NEGR1: variants seen among roughly 807,000 people sequenced by gnomAD.
NEGR1 encodes the protein neuronal growth regulator 1, also known as IgLON family member 4.
In NEGR1, 10 loss-of-function variants were observed where a neutral mutation model predicts 40.9. The ratio of observed to expected loss-of-function variants is 0.24; its 90% CI spans 0.15 to 0.42. The LOEUF is 0.42. Ranked by LOEUF, NEGR1 falls within the 10% of genes least tolerant of loss-of-function variation. The pLI is 1.00. For synonymous variants in NEGR1, 185 were observed against 166.8 expected (o/e 1.11, Z -0.84); for missense variants, 352 against 438.9 (o/e 0.80, Z 1.77).
At chr1:71,494,538 A>T (rs181283717) in intron 6 of NEGR1, among the ~76,000 whole-genome samples, 77 of 152,230 alleles carry the variant, frequency 5.1e-4, no homozygotes, top group African/African-American at 1.8e-3. Flanking sequence ...ATAACCCATG[A>T]CTATAATAGT....
chr1:72,260,664 A>G (rs1655424689), intron 1 of NEGR1, among the ~76,000 whole-genome samples: 2 of 152,118 alleles, frequency 1.3e-5, no homozygotes, highest in African/African-American at 4.8e-5. Flanking sequence ...GCCCCAGTAA[A>G]ATGGGCTATG....
At chr1:72,135,090 C>A (rs1284338788) in intron 1 of NEGR1, among the ~76,000 whole-genome samples, 2 of 149,062 alleles carry the variant, frequency 1.3e-5, no homozygotes, top group South Asian at 4.4e-4. Context: ...TAAGAAATAA[C>A]TTTCGGCCGG....
chr1:71,789,992 T>A (rs1432045170), intron 2 of NEGR1, among the ~76,000 whole-genome samples: 1 of 152,082 alleles, frequency 6.6e-6, no homozygotes, highest in Non-Finnish European at 1.5e-5. Context: ...ATCTAAATAT[T>A]TGGATTTTAA....
At chr1:72,241,084 G>A (rs1369391088) in intron 1 of NEGR1, among the ~76,000 whole-genome samples, 1 of 151,794 alleles carries the variant, frequency 6.6e-6, no homozygotes, top group South Asian at 2.1e-4. Flanking sequence ...GGTTTAACTT[G>A]ATGGAGCTTA....
chr1:72,118,184 T>C (rs74087122), intron 1 of NEGR1, among the ~76,000 whole-genome samples: 2,845 of 151,918 alleles, frequency 0.019, 102 homozygotes, highest in African/African-American at 0.065. Flanking sequence ...TAAGGAGATA[T>C]AGCATAGTCT....
intron 6 of NEGR1, among the ~76,000 whole-genome samples, chr1:71,466,329 G>A (rs1423478509): frequency 6.6e-6 from 1 of 151,904 alleles, no homozygotes; most frequent in Non-Finnish European, 1.5e-5. Flanking sequence ...TCATTCATTC[G>A]GTAAATATTT....
intron 1 of NEGR1, among the ~76,000 whole-genome samples, chr1:72,257,779 C>A (rs904991440): frequency 2.6e-5 from 4 of 152,122 alleles, no homozygotes; most frequent in Admixed American, 6.5e-5. Context: ...CTTACCTGAT[C>A]ATTCTTCCCT....
intron 2 of NEGR1, among the ~76,000 whole-genome samples, chr1:71,801,365 C>T (rs187217971): frequency 3.3e-5 from 5 of 152,272 alleles, no homozygotes; most frequent in Non-Finnish European, 7.4e-5. Flanking sequence ...AAGTCAAGAA[C>T]TCTTCCCTGA....
At chr1:72,026,486 A>T (rs1646811158) in intron 1 of NEGR1, among the ~76,000 whole-genome samples, 1 of 152,030 alleles carries the variant, frequency 6.6e-6, no homozygotes, top group African/African-American at 2.4e-5. Context: ...TTAAAATTAG[A>T]CTTTGTGAAC....
At chr1:71,522,825 C>T (rs1407758364) in intron 6 of NEGR1, among the ~76,000 whole-genome samples, 2 of 151,290 alleles carry the variant, frequency 1.3e-5, no homozygotes, top group African/African-American at 2.4e-5. Context: ...TGTGTGCTTG[C>T]CTAATAACTG....
intron 1 of NEGR1, among the ~76,000 whole-genome samples, chr1:72,281,970 A>T (rs1311788715): frequency 6.6e-6 from 1 of 152,166 alleles, no homozygotes; most frequent in Non-Finnish European, 1.5e-5. Context: ...AAACCTGATA[A>T]ACTTGTCAGA....
At chr1:71,804,915 T>G (rs928947576) in intron 2 of NEGR1, among the ~76,000 whole-genome samples, 8 of 152,164 alleles carry the variant, frequency 5.3e-5, no homozygotes, top group Non-Finnish European at 1.2e-4. Flanking sequence ...TTTCTCTTCT[T>G]TCAAAAGCAA....
intron 1 of NEGR1, among the ~76,000 whole-genome samples, chr1:72,280,235 A>C (rs1007755772): frequency 6.6e-6 from 1 of 152,182 alleles, no homozygotes; most frequent in South Asian, 2.1e-4. Flanking sequence ...TGAGTGAACT[A>C]AACATGGGTC....
intron 1 of NEGR1, among the ~76,000 whole-genome samples, chr1:71,944,973 A>G (rs963420855): frequency 2.0e-5 from 3 of 152,202 alleles, no homozygotes; most frequent in African/African-American, 7.2e-5. Context: ...ATACCCAAGA[A>G]GAAAAAAATT....
intron 4 of NEGR1, among the ~76,000 whole-genome samples, chr1:71,655,525 C>T (rs376047813): frequency 4.6e-5 from 7 of 152,250 alleles, no homozygotes; most frequent in African/African-American, 1.2e-4. Flanking sequence ...AATTCCCTAG[C>T]ATTAATATAA....
intron 2 of NEGR1, among the ~76,000 whole-genome samples, chr1:71,807,148 G>T (rs1027520431): frequency 2.0e-5 from 3 of 151,752 alleles, no homozygotes; most frequent in African/African-American, 7.3e-5. Flanking sequence ...TGCCAGCCTT[G>T]GCCTCCCAAA....
At chr1:71,560,460 T>TATATATATATATATATATATATATATA (rs1198448626) in intron 6 of NEGR1, among the ~76,000 whole-genome samples, 11 of 143,270 alleles carry the variant, frequency 7.7e-5, no homozygotes, top group East Asian at 2.2e-4. Flanking sequence ...TATATATATA[T>TATATATATATATATATATATATATATA]TTCCAATTAA....
chr1:72,015,228 G>A (rs1646698489), intron 1 of NEGR1, among the ~76,000 whole-genome samples: 1 of 152,040 alleles, frequency 6.6e-6, no homozygotes, highest in Non-Finnish European at 1.5e-5. Flanking sequence ...CATACTGAAT[G>A]AAAGGCCTTA....
intron 6 of NEGR1, among the ~76,000 whole-genome samples, chr1:71,467,726 G>C (rs1342086741): frequency 2.6e-5 from 4 of 151,770 alleles, no homozygotes; most frequent in African/African-American, 4.8e-5. Context: ...GAAGCAAATT[G>C]CTTGTCAAAA....
Sources: gnomAD v4.1 joint callset for allele counts (sites outside exome capture counted in the v4.1 genomes callset) on GRCh38, gnomAD v4.1.1 for gene constraint, MANE v1.5 for transcripts, NCBI Gene and HGNC (gene_info 2026-07-23, HGNC 2026-07-21) for gene names.